PFN3: variants seen among roughly 807,000 people sequenced by gnomAD.
PFN3 encodes the protein profilin-3.
In PFN3, 7 loss-of-function variants were observed where a neutral mutation model predicts 6.2. The observed-to-expected ratio is 1.13, with a 90% CI of 0.64 to 2.13. The LOEUF (loss-of-function observed/expected upper bound fraction) is 2.13. PFN3 is among the 30% of genes most tolerant of loss of function. The probability of loss-of-function intolerance (pLI) is 0.00; values close to 1 mark genes in which losing one functional copy is unlikely to be tolerated. For missense variants in PFN3, 251 were observed against 209.3 expected (o/e 1.20, Z -1.23); for synonymous variants, 112 against 97.7 (o/e 1.15, Z -0.87).
rs1581652789 is a variant in PFN3, at chr5:177,400,220, GCCC to G, written c.354_356del (p.Gly119del). On this transcript the variant is annotated inframe_deletion, in exon 1 of 1. Transcript: ENST00000358571. ...GTTCGTGCACCGTCTTGTTGAGGAT[GCCC>G]CCATGTACGCCGCGTCGGCCCATTA... is the stretch of plus-strand genomic sequence containing the variant. 1.2e-6 allele frequency: 2 copies of G among 1,611,880 alleles called. No individual in the cohort carries two copies. Among genetic ancestry groups the G allele is most frequent in the African/African-American group, 2.7e-5 (2 of 74,902 alleles).
At position 177,400,378 on chromosome 5, in the gene PFN3, C is replaced by G. The variant is rs1030052695; in HGVS notation, c.199G>C (p.Gly67Arg). 2 of 1,539,186 alleles carry G rather than the reference C, an allele frequency of 1.3e-6. No homozygotes were observed. Among genetic ancestry groups the G allele is most frequent in the Non-Finnish European group, 1.7e-6 (2 of 1,143,466 alleles). ...HTFLQAGLSV[G>R]GRRCCVIRDH... ...CGGATGACGCAGCAGCGGCGGCCCCCCACGCTCAGGCCCGCCTGCAGGAAG... is the reference window on the plus strand; with the variant it reads ...CGGATGACGCAGCAGCGGCGGCCCCGCACGCTCAGGCCCGCCTGCAGGAAG... Residue 67 changes from glycine to arginine, a missense_variant, in exon 1 of 1, where the codon GGG becomes CGG. By Grantham distance (125) the Gly-to-Arg change is moderately radical (BLOSUM62 -2). Transcript: ENST00000358571.
Position 177,400,519 on chromosome 5 carries a change from C to A in PFN3, c.58G>T (p.Val20Leu). The A allele has an allele frequency of 6.3e-7, 1 of 1,596,900 alleles. No individual in the cohort carries two copies. The highest frequency in any genetic ancestry group is 8.5e-7 in the Non-Finnish European group (1 of 1,178,996). ...AVLRDQRIDD[V>L]AIVGHADNSC... ...TTGTCCGCATGGCCCACGATGGCCA[C>A]GTCGTCGATGCGCTGGTCCCGCAGC... The change falls in exon 1 of 1, where the codon GTG becomes TTG. Residue 20 changes from valine to leucine, a missense_variant. By Grantham distance (32) the Val-to-Leu change is conservative. Transcript: ENST00000358571.
chr5:177,400,155 C>G lies in PFN3; in HGVS notation c.*8G>C. Reference sequence around the variant, plus strand: ...CCCGCGCTACCAGTGGGCGGCCTGGCTGGCCGGCTAGGCGCCCTGCATGCG... The same window carrying G: ...CCCGCGCTACCAGTGGGCGGCCTGGGTGGCCGGCTAGGCGCCCTGCATGCG... On this transcript the variant is annotated 3_prime_UTR_variant, in exon 1 of 1. Coordinates refer to ENST00000358571, the MANE Select transcript of PFN3 (RefSeq NM_001029886.3). The G allele has an allele frequency of 1.2e-6, 2 of 1,610,446 alleles. No homozygotes were observed. The highest frequency in any genetic ancestry group is 1.7e-6 in the Non-Finnish European group (2 of 1,178,924).
chr5:177,400,289 G>C lies in PFN3; in HGVS notation c.288C>G (p.Arg96=), dbSNP rs1483709237. ...LDARTKGLDA[R]AVCVGRAPRA... The stretch of plus-strand genomic sequence containing the variant: ...GCGGCGCACGGCCCACGCACACGGC[G>C]CGCGCGTCCAGCCCCTTGGTGCGTG... Residue 96 remains arginine, a synonymous_variant, in exon 1 of 1, where the codon CGC becomes CGG. Coordinates refer to ENST00000358571, the MANE Select transcript of PFN3 (RefSeq NM_001029886.3). 4.4e-6 allele frequency: 7 copies of C among 1,593,150 alleles called. No homozygotes were observed. The highest frequency in any genetic ancestry group is 6.0e-6 in the Non-Finnish European group (7 of 1,170,924).
rs1234905826 is a variant in PFN3 at position 177,400,156 on chromosome 5, T to A, written c.*7A>T. Reference sequence around the variant, plus strand: ...CCGCGCTACCAGTGGGCGGCCTGGCTGGCCGGCTAGGCGCCCTGCATGCGC... The same window carrying A: ...CCGCGCTACCAGTGGGCGGCCTGGCAGGCCGGCTAGGCGCCCTGCATGCGC... On this transcript the variant is annotated 3_prime_UTR_variant, in exon 1 of 1. Transcript: ENST00000358571. The A allele has an allele frequency of 4.3e-6, 7 of 1,610,568 alleles. No individual in the cohort carries two copies. The highest frequency in any genetic ancestry group is 1.3e-5 in the African/African-American group (1 of 74,848).
Position 177,400,230 on chromosome 5 carries a change from A to G in PFN3, c.347T>C (p.Val116Ala). The G allele has an allele frequency of 6.2e-7, 1 of 1,611,746 alleles. No individual in the cohort carries two copies. Among genetic ancestry groups the G allele is most frequent in the South Asian group, 1.1e-5 (1 of 91,056 alleles). Residue 116 changes from valine (V) to alanine (A), a missense_variant, in exon 1 of 1, where the codon GTA (valine) becomes GCA (alanine). Physicochemically the swap from Val to Ala is moderately conservative, Grantham distance 64. Coordinates refer to ENST00000358571, the MANE Select transcript of PFN3 (RefSeq NM_001029886.3). ...CGTCTTGTTGAGGATGCCCCCATGT[A>G]CGCCGCGTCGGCCCATTAGCACCAG... Reference protein sequence around the residue: ...ALLVLMGRRGVHGGILNKTVH... With the variant: ...ALLVLMGRRGAHGGILNKTVH...
At position 177,400,379 on chromosome 5, in the gene PFN3, C is replaced by G. The variant is rs898086103; in HGVS notation, c.198G>C (p.Val66=). The part of the protein sequence containing the change: ...RHTFLQAGLS[V]GGRRCCVIRD... Reference sequence around the variant, plus strand: ...GGATGACGCAGCAGCGGCGGCCCCCCACGCTCAGGCCCGCCTGCAGGAAGG... The same window carrying G: ...GGATGACGCAGCAGCGGCGGCCCCCGACGCTCAGGCCCGCCTGCAGGAAGG... Residue 66 remains valine (V), a synonymous_variant, in exon 1 of 1, where the codon GTG becomes GTC. Coordinates refer to ENST00000358571, the MANE Select transcript of PFN3 (RefSeq NM_001029886.3). The G allele has an allele frequency of 6.5e-6, 10 of 1,538,888 alleles. No homozygotes were observed. The highest frequency in any genetic ancestry group is 2.5e-5 in the East Asian group (1 of 40,260).
At position 177,400,464 on chromosome 5, in the gene PFN3, C is replaced by A; in HGVS notation, c.113G>T (p.Gly38Val). ...NSCVWASRPG[G>V]LLAAISPQEV... The stretch of plus-strand genomic sequence containing the variant: ...CTGCGGCGAGATGGCCGCCAGCAGG[C>A]CCCCGGGCCGCGAAGCCCACACGCA... The change falls in exon 1 of 1, where the codon GGC (glycine) becomes GTC (valine). Residue 38 changes from glycine to valine, a missense_variant. Gly to Val is a moderately radical substitution (Grantham distance 109). Coordinates refer to ENST00000358571, the MANE Select transcript of PFN3 (RefSeq NM_001029886.3). 1.3e-6 allele frequency: 2 copies of A among 1,569,538 alleles called. No homozygotes were observed. The highest frequency in any genetic ancestry group is 1.7e-6 in the Non-Finnish European group (2 of 1,165,590).
At position 177,400,257 on chromosome 5, in the gene PFN3, A is replaced by G. The variant is rs1561637797; in HGVS notation, c.320T>C (p.Leu107Pro). 1 of 1,609,748 alleles carries G rather than the reference A, an allele frequency of 6.2e-7. No individual in the cohort carries two copies. Among genetic ancestry groups the G allele is most frequent in the South Asian group, 1.1e-5 (1 of 90,854 alleles). The part of the protein sequence containing the change: ...AVCVGRAPRA[L>P]LVLMGRRGVH... ...GCCGCGTCGGCCCATTAGCACCAGG[A>G]GCGCGCGCGGCGCACGGCCCACGCA... Residue 107 changes from leucine (L) to proline (P), a missense_variant, in exon 1 of 1, where the codon CTC (leucine) becomes CCC (proline). Transcript: ENST00000358571.
At position 177,400,232 on chromosome 5, in the gene PFN3, G is replaced by T; in HGVS notation, c.345C>A (p.Gly115=). 2.5e-6 allele frequency: 4 copies of T among 1,611,606 alleles called. No homozygotes were observed. The highest frequency in any genetic ancestry group is 3.4e-6 in the Non-Finnish European group (4 of 1,179,384). ...TCTTGTTGAGGATGCCCCCATGTAC[G>T]CCGCGTCGGCCCATTAGCACCAGGA... The part of the protein sequence containing the change: ...RALLVLMGRR[G]VHGGILNKTV... Residue 115 remains glycine (G), a synonymous_variant, in exon 1 of 1, where the codon GGC becomes GGA. Coordinates refer to ENST00000358571, the MANE Select transcript of PFN3 (RefSeq NM_001029886.3).
rs375040062 is a variant in PFN3, at chr5:177,400,417, G to T, written c.160C>A (p.Pro54Thr). The T allele has an allele frequency of 6.5e-7, 1 of 1,541,368 alleles. No homozygotes were observed. The highest frequency in any genetic ancestry group is 8.7e-7 in the Non-Finnish European group (1 of 1,147,542). The change falls in exon 1 of 1, where the codon CCG (proline) becomes ACG (threonine). Residue 54 changes from proline (P) to threonine (T), a missense_variant. Transcript: ENST00000358571. ...GCCTGCAGGAAGGTGTGCCTGTCCG[G>T]CCCCGTGAGCACGCCCACCTCCTGC... ...SPQEVGVLTG[P>T]DRHTFLQAGL...
rs1348447869 is a variant in PFN3, at chr5:177,400,143, T to A, written c.*20A>T. On this transcript the variant is annotated 3_prime_UTR_variant, in exon 1 of 1. Coordinates refer to ENST00000358571, the MANE Select transcript of PFN3 (RefSeq NM_001029886.3). Reference sequence around the variant, plus strand: ...CAGTTTATTTGGCCCGCGCTACCAGTGGGCGGCCTGGCTGGCCGGCTAGGC... The same window carrying A: ...CAGTTTATTTGGCCCGCGCTACCAGAGGGCGGCCTGGCTGGCCGGCTAGGC... 6.2e-7 allele frequency: 1 copy of A among 1,609,678 alleles called. No homozygotes were observed. The highest frequency in any genetic ancestry group is 1.3e-5 in the African/African-American group (1 of 74,738).
chr5:177,400,531 G>A lies in PFN3; in HGVS notation c.46C>T (p.Arg16Cys). The change falls in exon 1 of 1, where the codon CGC (arginine) becomes TGC (cysteine). Residue 16 changes from arginine (R) to cysteine (C), a missense_variant. Physicochemically the swap from Arg to Cys is radical, Grantham distance 180. Transcript: ENST00000358571. Reference sequence around the variant, plus strand: ...CCCACGATGGCCACGTCGTCGATGCGCTGGTCCCGCAGCACTGCACTGATG... The same window carrying A: ...CCCACGATGGCCACGTCGTCGATGCACTGGTCCCGCAGCACTGCACTGATG... Reference protein sequence around the residue: ...VYISAVLRDQRIDDVAIVGHA... With the variant: ...VYISAVLRDQCIDDVAIVGHA... The A allele has an allele frequency of 6.3e-7, 1 of 1,597,318 alleles. No homozygotes were observed. The highest frequency in any genetic ancestry group is 8.5e-7 in the Non-Finnish European group (1 of 1,179,190).
At chr5:177,400,651 CGCTGTGAGGCAGGCTGGGCGGG>C (rs1257141991) in exon 1 of PFN3, 3 of 1,510,002 alleles carry the variant, frequency 2.0e-6, no homozygotes, top group East Asian at 2.5e-5. Flanking sequence ...AGGCCTGCGG[CGCTGTGAGGCAGGCTGGGCGGG>C]GCTGTGACGT....
Position 177,400,179 on chromosome 5 carries a change from C to CGCAGCCCG in PFN3, c.390_397dup (p.Arg133ProfsTer?). The CGCAGCCCG allele has an allele frequency of 6.2e-7, 1 of 1,611,652 alleles. No individual in the cohort carries two copies. The highest frequency in any genetic ancestry group is 2.2e-5 in the East Asian group (1 of 44,868). On this transcript the variant is annotated frameshift_variant, in exon 1 of 1. Transcript: ENST00000358571. LOFTEE classifies it high-confidence loss of function. ...GCTGGCCGGCTAGGCGCCCTGCATG[C>CGCAGCCCG]GCAGCCCGCGTATGAGTTCGTGCAC...
chr5:177,400,603 C>A lies in PFN3; in HGVS notation c.-27G>T. ...GCGCTCCGAGTGCGCCCAGCCGCCTCGCACCTCTCGGGGAAATATAGAGGC... is the reference window on the plus strand; with the variant it reads ...GCGCTCCGAGTGCGCCCAGCCGCCTAGCACCTCTCGGGGAAATATAGAGGC... On this transcript the variant is annotated 5_prime_UTR_variant, in exon 1 of 1. Transcript: ENST00000358571. 1 of 1,585,526 alleles carries A rather than the reference C, an allele frequency of 6.3e-7. No individual in the cohort carries two copies.
chr5:177,400,534 G>T lies in PFN3; in HGVS notation c.43C>A (p.Gln15Lys), dbSNP rs780472640. The T allele has an allele frequency of 6.3e-7, 1 of 1,597,450 alleles. No individual in the cohort carries two copies. Among genetic ancestry groups the T allele is most frequent in the Non-Finnish European group, 8.5e-7 (1 of 1,179,258 alleles). ...KVYISAVLRD[Q>K]RIDDVAIVGH... Reference sequence around the variant, plus strand: ...ACGATGGCCACGTCGTCGATGCGCTGGTCCCGCAGCACTGCACTGATGTAG... The same window carrying T: ...ACGATGGCCACGTCGTCGATGCGCTTGTCCCGCAGCACTGCACTGATGTAG... The change falls in exon 1 of 1, where the codon CAG becomes AAG. Residue 15 changes from glutamine to lysine, a missense_variant. Transcript: ENST00000358571.
chr5:177,400,635 C>A lies in PFN3; in HGVS notation c.-59G>T, dbSNP rs1200906620. 6.5e-6 allele frequency: 10 copies of A among 1,543,844 alleles called. No homozygotes were observed. The highest frequency in any genetic ancestry group is 4.1e-5 in the African/African-American group (3 of 72,460). Reference sequence around the variant, plus strand: ...CTCGGGGAAATATAGAGGCGCCACGCGGGGAAGGCCTGCGGCGCTGTGAGG... The same window carrying A: ...CTCGGGGAAATATAGAGGCGCCACGAGGGGAAGGCCTGCGGCGCTGTGAGG... On this transcript the variant is annotated 5_prime_UTR_variant, in exon 1 of 1. Transcript: ENST00000358571.
Position 177,400,476 on chromosome 5 carries a change from GA to G in PFN3, c.100del (p.Ser34ArgfsTer31). 6.3e-7 allele frequency: 1 copy of G among 1,582,888 alleles called. No homozygotes were observed. The highest frequency in any genetic ancestry group is 8.5e-7 in the Non-Finnish European group (1 of 1,172,324). On this transcript the variant is annotated frameshift_variant, in exon 1 of 1. Coordinates refer to ENST00000358571, the MANE Select transcript of PFN3 (RefSeq NM_001029886.3). LOFTEE classifies it high-confidence loss of function. ...GGCCGCCAGCAGGCCCCCGGGCCGC[GA>G]AGCCCACACGCAGCTGTTGTCCGCA... ...GHADNSCVWA[S>X]RPGGLLAAIS...
Sources: gnomAD v4.1 joint callset for allele counts on GRCh38, gnomAD v4.1.1 for gene constraint, MANE v1.5 for transcripts, NCBI Gene and HGNC (gene_info 2026-07-23, HGNC 2026-07-21) for gene names.